The following NR3C1 variants were observed in gnomAD, a reference collection of about 807,000 sequenced individuals.
NR3C1 encodes the protein glucocorticoid receptor.
Under a neutral mutation model 74.0 loss-of-function variants are expected in NR3C1, and 14 were observed. The observed-to-expected ratio is 0.19, with a 90% CI of 0.12 to 0.30. The LOEUF is 0.30. NR3C1 is among the 10% of genes least tolerant of loss of function. NR3C1 has a pLI of 1.00. For missense variants in NR3C1, 695 were observed against 909.8 expected, an observed-to-expected ratio of 0.76 and a Z score of 3.04; for synonymous variants, 308 against 332.5, an observed-to-expected ratio of 0.93 and a Z score of 0.80.
intron 2 of NR3C1, among the ~76,000 whole-genome samples, chr5:143,339,731 G>T (rs903910276): frequency 8.5e-5 from 13 of 152,228 alleles, no homozygotes; most frequent in Admixed American, 7.8e-4. Flanking sequence ...GGTTGGTGGG[G>T]CTCCGGACTA....
At chr5:143,383,682 T>C (rs1836670734) in intron 2 of NR3C1, among the ~76,000 whole-genome samples, 2 of 152,186 alleles carry the variant, frequency 1.3e-5, no homozygotes, top group East Asian at 3.8e-4. Flanking sequence ...AGAAGGAGCC[T>C]GAATTCTAGA....
chr5:143,326,725 G>A (rs1436356940), intron 2 of NR3C1, among the ~76,000 whole-genome samples: 1 of 152,126 alleles, frequency 6.6e-6, no homozygotes, highest in Non-Finnish European at 1.5e-5. Context: ...ATGATGACAT[G>A]AAAAGCATTT....
chr5:143,405,360 G>C (rs1318259637), upstream of NR3C1: 5 of 985,388 alleles, frequency 5.1e-6, no homozygotes, highest in Non-Finnish European at 6.0e-6. Context: ...ACTGACGGCG[G>C]CTCCCCCTGC....
intron 2 of NR3C1, among the ~76,000 whole-genome samples, chr5:143,369,572 T>C (rs1361392690): frequency 6.6e-6 from 1 of 152,132 alleles, no homozygotes; most frequent in Admixed American, 6.5e-5. Context: ...CTTGAAAACA[T>C]GTTAAGTGAA....
At chr5:143,403,893 C>CT, upstream of NR3C1, 2 of 981,840 alleles carry the variant, frequency 2.0e-6, no homozygotes, top group Non-Finnish European at 2.4e-6. Context: ...CCCGCGTCCC[C>CT]TGGCGTGGCC....
At chr5:143,385,944 A>G (rs1837127004) in intron 2 of NR3C1, among the ~76,000 whole-genome samples, 1 of 152,092 alleles carries the variant, frequency 6.6e-6, no homozygotes, top group Non-Finnish European at 1.5e-5. Context: ...GTCCATTTTC[A>G]CAGTGCTATA....
intron 2 of NR3C1, among the ~76,000 whole-genome samples, chr5:143,328,622 G>A (rs1180212542): frequency 3.9e-5 from 6 of 152,050 alleles, no homozygotes; most frequent in East Asian, 1.9e-4. Context: ...CCATATCTTC[G>A]TGAATGCACA....
Position 143,328,360 on chromosome 5 carries a change from G to A in NR3C1, c.1185-14192C>T, listed in dbSNP as rs535819097. ...GGCCTGTGATGGGAGGGGCTGCCCC[G>A]AAGATCTCTGCCATGCCCTGGAGAC... On this transcript the variant is annotated intron_variant, in intron 2 of 8. Transcript: ENST00000394464. Among the ~76,000 whole-genome samples the A allele has an allele frequency of 9.8e-5, 15 of 152,298 alleles. No individual in the cohort carries two copies. The East Asian group carries it at 1.4e-3, about 14-fold the overall frequency.
intron 2 of NR3C1, chr5:143,333,131 C>G: frequency 1.3e-6 from 2 of 1,588,934 alleles, no homozygotes; most frequent in Non-Finnish European, 1.7e-6. Context: ...CTTTCCACCT[C>G]TCAGTGGCCC....
At chr5:143,304,138 A>T (rs2151573969) in intron 4 of NR3C1, among the ~76,000 whole-genome samples, 1 of 152,032 alleles carries the variant, frequency 6.6e-6, no homozygotes, top group Middle Eastern at 3.4e-3. Flanking sequence ...ATCTCTTTTC[A>T]CTTATGATTC....
At chr5:143,316,165 G>A (rs1171308446) in intron 2 of NR3C1, among the ~76,000 whole-genome samples, 2 of 152,174 alleles carry the variant, frequency 1.3e-5, no homozygotes, top group Non-Finnish European at 2.9e-5. Flanking sequence ...CTAATGTAGA[G>A]GAGCTGCTTT....
At chr5:143,372,934 G>A (rs191871826) in intron 2 of NR3C1, among the ~76,000 whole-genome samples, 67 of 152,080 alleles carry the variant, frequency 4.4e-4, no homozygotes, top group Admixed American at 4.0e-3. Flanking sequence ...ATTCCAAGTC[G>A]TAATCTCAAT....
chr5:143,404,421 C>A, upstream of NR3C1: 3 of 985,608 alleles, frequency 3.0e-6, no homozygotes, highest in East Asian at 1.1e-4. Flanking sequence ...CCCACCACCG[C>A]ATCATCTGGG....
At chr5:143,358,941 C>T (rs1012818487) in intron 2 of NR3C1, among the ~76,000 whole-genome samples, 8 of 151,858 alleles carry the variant, frequency 5.3e-5, no homozygotes, top group Admixed American at 1.3e-4. Context: ...ACCTCCAATA[C>T]GTAAGACAGA....
At chr5:143,344,539 A>G (rs1352700710) in intron 2 of NR3C1, among the ~76,000 whole-genome samples, 1 of 152,208 alleles carries the variant, frequency 6.6e-6, no homozygotes, top group Non-Finnish European at 1.5e-5. Context: ...GTCTTTGAAT[A>G]ATGTTTTGTT....
intron 2 of NR3C1, 38 bp downstream of exon 2, chr5:143,399,618 T>C (rs773842587): frequency 4.3e-6 from 6 of 1,379,384 alleles, no homozygotes; most frequent in East Asian, 2.3e-5. Context: ...CTACCTTAAA[T>C]GTACCATTCT....
At chr5:143,293,981 A>T in intron 7 of NR3C1, 1 of 985,298 alleles carries the variant, frequency 1.0e-6, no homozygotes, top group Non-Finnish European at 1.2e-6. Context: ...TCACTTCTTT[A>T]ACAAGTGTAC....
chr5:143,318,604 T>C (rs1217100947), intron 2 of NR3C1, among the ~76,000 whole-genome samples: 1 of 152,176 alleles, frequency 6.6e-6, no homozygotes, highest in Non-Finnish European at 1.5e-5. Context: ...ATTTTATCAA[T>C]TGGCAACAAA....
intron 7 of NR3C1, 56 bp from the exon 8 acceptor site, chr5:143,282,781 T>TG (rs1813417461): frequency 1.1e-5 from 16 of 1,519,848 alleles, no homozygotes; most frequent in Non-Finnish European, 1.4e-5. Context: ...TCTTTTCTTT[T>TG]TTTTTTTTTT....
Sources: gnomAD v4.1 joint callset for allele counts (sites outside exome capture counted in the v4.1 genomes callset) on GRCh38, gnomAD v4.1.1 for gene constraint, MANE v1.5 for transcripts, NCBI Gene and HGNC (gene_info 2026-07-23, HGNC 2026-07-21) for gene names.